Variants in EFHB observed in about 807,000 individuals in gnomAD.
EFHB encodes the protein EF-hand domain family member B, also known as EF-hand domain-containing family member B.
Under a neutral mutation model 87.2 loss-of-function variants are expected in EFHB, and 91 were observed. The observed-to-expected ratio is 1.04, with a 90% CI of 0.88 to 1.24. The LOEUF (loss-of-function observed/expected upper bound fraction) is 1.24. EFHB is among the 50% of genes most tolerant of loss of function. The pLI is 0.00. For missense variants in EFHB, 1,084 were observed against 998.8 expected (o/e 1.09, Z -1.15); for synonymous variants, 325 against 333.6 (o/e 0.97, Z 0.28).
intron 10 of EFHB, among the ~76,000 whole-genome samples, chr3:19,885,254 A>G (rs1482469975): frequency 6.6e-6 from 1 of 151,724 alleles, no homozygotes; most frequent in Non-Finnish European, 1.5e-5. Flanking sequence ...TTTAATATTT[A>G]ACTTGAACTA....
chr3:19,941,960 G>C (rs62280069), intron 1 of EFHB, among the ~76,000 whole-genome samples: 1 of 151,256 alleles, frequency 6.6e-6, no homozygotes, highest in African/African-American at 2.4e-5. Flanking sequence ...TTTGAGACCA[G>C]CCTGGCCAAC....
chr3:19,915,153 C>G (rs954329676), intron 5 of EFHB, 150 bp downstream of exon 5: 5 of 540,942 alleles, frequency 9.2e-6, no homozygotes, highest in Non-Finnish European at 6.6e-6. Context: ...GTTTTCCCAG[C>G]TATCATGGTT....
In EFHB at chr3:19,888,586, TA is replaced by T. The variant is rs768324052; in HGVS notation, c.1790del (p.Leu597Ter). The T allele has an allele frequency of 1.4e-5, 22 of 1,606,198 alleles. No individual in the cohort carries two copies. Among genetic ancestry groups the T allele is most frequent in the Admixed American group, 3.4e-5 (2 of 59,050 alleles). On this transcript the variant is annotated frameshift_variant, in exon 10 of 13. Coordinates refer to ENST00000295824, the MANE Select transcript of EFHB (RefSeq NM_144715.4). LOFTEE classifies it high-confidence loss of function. Reference protein sequence around the residue: ...QEACDQANLSLDDKLLDQLFD... With the variant: ...QEACDQANLSXDDKLLDQLFD... ...ATAGCTGGTCCAGGAGCTTGTCATCTAAACTCAAGTTGGCCTGGTCACAAGC... is the reference window on the plus strand; with the variant it reads ...ATAGCTGGTCCAGGAGCTTGTCATCTAACTCAAGTTGGCCTGGTCACAAGC...
Position 19,904,849 on chromosome 3 carries a change from T to C in EFHB, c.1418+771A>G, listed in dbSNP as rs538740212. 1.3e-3 allele frequency among the ~76,000 whole-genome samples: 196 copies of C among 152,326 alleles called. 1 individual carries two copies. Among genetic ancestry groups the C allele is most frequent in the Non-Finnish European group, 2.3e-3 (158 of 68,036 alleles). ...ACCAGTATTTACAACGTTCAAACCA[T>C]GGTACCAGTATCCACAATCTTCTGA... is the stretch of plus-strand genomic sequence containing the variant. On this transcript the variant is annotated intron_variant, in intron 6 of 12. Coordinates refer to ENST00000295824, the MANE Select transcript of EFHB (RefSeq NM_144715.4).
At chr3:19,880,212 C>G (rs1324408392) in intron 12 of EFHB, among the ~76,000 whole-genome samples, 1 of 145,890 alleles carries the variant, frequency 6.9e-6, no homozygotes, top group East Asian at 1.9e-4. Context: ...TCACCTAAGC[C>G]ACTTGAACAT....
chr3:19,891,886 C>T (rs375671156), intron 9 of EFHB, among the ~76,000 whole-genome samples: 1 of 152,138 alleles, frequency 6.6e-6, no homozygotes, highest in East Asian at 1.9e-4. Flanking sequence ...AATGCAGAAG[C>T]CACCACTACA....
Position 19,919,844 on chromosome 3 carries a change from T to C in EFHB, c.985A>G (p.Ile329Val), listed in dbSNP as rs1368586379. 5 of 1,612,686 alleles carry C rather than the reference T, an allele frequency of 3.1e-6. No homozygotes were observed. Among genetic ancestry groups the C allele is most frequent in the Non-Finnish European group, 4.2e-6 (5 of 1,179,120 alleles). The change falls in exon 3 of 13, where the codon ATT (isoleucine) becomes GTT (valine). Residue 329 changes from isoleucine to valine, a missense_variant. By Grantham distance (29) the Ile-to-Val change is conservative. Coordinates refer to ENST00000295824, the MANE Select transcript of EFHB (RefSeq NM_144715.4). Reference sequence around the variant, plus strand: ...AGAAAATAACTTACCAGTACTGAAATTTTAGATCTAATTCCATGTGTCAAA... The same window carrying C: ...AGAAAATAACTTACCAGTACTGAAACTTTAGATCTAATTCCATGTGTCAAA... The part of the protein sequence containing the change: ...PYLTHGIRSK[I>V]SVLANTLINP...
At chr3:19,911,328 A>G (rs2931390) in intron 5 of EFHB, among the ~76,000 whole-genome samples, 65,526 of 151,826 alleles carry the variant, frequency 0.43, 14,824 homozygotes, top group African/African-American at 0.56. Flanking sequence ...TTGGGAGGCC[A>G]AGGTGGGTAG....
In EFHB at chr3:19,879,890, G is replaced by C. The variant is rs78432595; in HGVS notation, c.2329-86C>G. 2,014 of 1,345,644 alleles carry C rather than the reference G, an allele frequency of 1.5e-3. 48 individuals carry two copies. The East Asian group carries it at 0.042, about 28-fold the overall frequency. The allele number at this position is 1,345,644 out of a possible 1,614,324, so 83.4% of individuals were successfully genotyped here. ...TATCTTTATAACATCTAAGACTATG[G>C]ATATTTTTCCAAAAAAGTATGTGTG... On this transcript the variant is annotated intron_variant, in intron 12 of 12. Transcript: ENST00000295824.
chr3:19,912,708 T>C, intron 5 of EFHB, among the ~76,000 whole-genome samples: 1 of 152,042 alleles, frequency 6.6e-6, no homozygotes, highest in East Asian at 1.9e-4. Flanking sequence ...AACAACAGGG[T>C]TAAAAAGTTA....
intron 8 of EFHB, among the ~76,000 whole-genome samples, chr3:19,897,985 A>G (rs765268911): frequency 1.5e-4 from 23 of 152,198 alleles, no homozygotes; most frequent in Admixed American, 4.6e-4. Flanking sequence ...CTGAATCAGA[A>G]TATCTAGGGC....
At chr3:19,926,768 C>G (rs1695645197) in intron 1 of EFHB, among the ~76,000 whole-genome samples, 2 of 152,050 alleles carry the variant, frequency 1.3e-5, no homozygotes, top group Non-Finnish European at 2.9e-5. Context: ...TCAAGTGATT[C>G]ACCCACCTCA....
chr3:19,882,016 AAAATAAATAAAT>A lies in EFHB; in HGVS notation c.2328+522_2328+533del, dbSNP rs368695761. Among the ~76,000 whole-genome samples the A allele has an allele frequency of 2.4e-3, 337 of 141,744 alleles. 3 individuals carry two copies. The highest frequency in any genetic ancestry group is 6.0e-3 in the South Asian group (27 of 4,476). The allele number at this position is 141,744 out of a possible 152,430, so 93.0% of individuals were successfully genotyped here. On this transcript the variant is annotated intron_variant, in intron 12 of 12. Transcript: ENST00000295824. ...TGTGGGCATCATGTTTTCTGAGTCA[AAAATAAATAAAT>A]AAATAAATAAATAAATAAATAAATA...
intron 1 of EFHB, among the ~76,000 whole-genome samples, chr3:19,929,323 G>A (rs1695744892): frequency 6.6e-6 from 1 of 151,776 alleles, no homozygotes; most frequent in African/African-American, 2.4e-5. Context: ...ATAGGCATGA[G>A]CCACCATGCC....
intron 9 of EFHB, chr3:19,894,727 AC>A (rs1163921646): frequency 5.3e-5 from 8 of 151,580 alleles, no homozygotes; most frequent in African/African-American, 1.9e-4. Context: ...GGTGGTTCAT[AC>A]CTGTAATCCC....
chr3:19,924,714 G>T (rs976723366), intron 1 of EFHB, among the ~76,000 whole-genome samples: 3 of 152,112 alleles, frequency 2.0e-5, no homozygotes, highest in Non-Finnish European at 4.4e-5. Context: ...TCATGAGGAT[G>T]TTCCATGTTC....
intron 1 of EFHB, chr3:19,942,537 C>T (rs1290013481): frequency 1.3e-5 from 2 of 152,230 alleles, no homozygotes; most frequent in African/African-American, 4.8e-5. Flanking sequence ...AGTTTTAGGA[C>T]AATTCAAGCA....
intron 9 of EFHB, among the ~76,000 whole-genome samples, chr3:19,892,264 C>A (rs73188439): frequency 6.6e-6 from 1 of 152,160 alleles, no homozygotes; most frequent in Non-Finnish European, 1.5e-5. Flanking sequence ...TACTCCCTAC[C>A]GTCCATTGTC....
At chr3:19,908,654 A>AAG (rs1185730604) in intron 5 of EFHB, among the ~76,000 whole-genome samples, 10 of 148,916 alleles carry the variant, frequency 6.7e-5, no homozygotes, top group African/African-American at 2.0e-4. Context: ...GAAAGAAAGA[A>AAG]AAAGAAAGTT....
Sources: allele counts gnomAD v4.1 joint callset (sites outside exome capture counted in the v4.1 genomes callset), GRCh38; gene constraint gnomAD v4.1.1; transcripts MANE v1.5; gene names NCBI Gene and HGNC (gene_info 2026-07-23, HGNC 2026-07-21).